The following ADGRL2 variants were observed in gnomAD, a reference collection of about 807,000 sequenced individuals.
The protein encoded by ADGRL2 is adhesion G protein-coupled receptor L2.
ADGRL2 carries 44 observed loss-of-function variants against 157.4 expected under a neutral mutation model. The ratio of observed to expected loss-of-function variants is 0.28; its 90% CI spans 0.22 to 0.36. The LOEUF (loss-of-function observed/expected upper bound fraction) is 0.36. ADGRL2 is among the 10% of genes least tolerant of loss of function. ADGRL2 has a pLI of 1.00. For synonymous variants in ADGRL2, 585 were observed against 624.7 expected, an observed-to-expected ratio of 0.94 and a Z score of 0.95; for missense variants, 1,510 against 1,768.9, an observed-to-expected ratio of 0.85 and a Z score of 2.63.
At chr1:81,347,529 C>A (rs1354461147) in intron 1 of ADGRL2, among the ~76,000 whole-genome samples, 2 of 152,074 alleles carry the variant, frequency 1.3e-5, no homozygotes. Context: ...TGTGGTAGAA[C>A]TTGCAAGCAA....
intron 17 of ADGRL2, among the ~76,000 whole-genome samples, chr1:81,978,897 C>T (rs1443737663): frequency 4.0e-5 from 6 of 151,494 alleles, no homozygotes; most frequent in Non-Finnish European, 7.4e-5. Flanking sequence ...TCTTAAGTAA[C>T]GTACAGCTCA....
At chr1:81,551,922 A>C (rs2080156033) in intron 2 of ADGRL2, among the ~76,000 whole-genome samples, 1 of 152,232 alleles carries the variant, frequency 6.6e-6, no homozygotes, top group Non-Finnish European at 1.5e-5. Context: ...GAAATGTATT[A>C]GTGGGAACTG....
intron 2 of ADGRL2, among the ~76,000 whole-genome samples, chr1:81,849,959 G>T (rs1163944390): frequency 6.6e-6 from 1 of 151,840 alleles, no homozygotes; most frequent in Non-Finnish European, 1.5e-5. Context: ...CTCATTTATG[G>T]ATTTGAAATG....
At chr1:81,475,413 A>T (rs1334494097) in intron 2 of ADGRL2, among the ~76,000 whole-genome samples, 1 of 152,176 alleles carries the variant, frequency 6.6e-6, no homozygotes, top group South Asian at 2.1e-4. Context: ...GCTCAAAGGT[A>T]TCTACTAGCC....
intron 3 of ADGRL2, among the ~76,000 whole-genome samples, chr1:81,660,072 T>G (rs1436637706): frequency 6.6e-6 from 1 of 152,146 alleles, no homozygotes; most frequent in Admixed American, 6.5e-5. Context: ...CATGTTTTCT[T>G]CCCTTCAAGC....
At chr1:81,744,451 A>G (rs1441977542) in intron 1 of ADGRL2, among the ~76,000 whole-genome samples, 1 of 152,186 alleles carries the variant, frequency 6.6e-6, no homozygotes, top group Non-Finnish European at 1.5e-5. Flanking sequence ...TTTGAACACA[A>G]ATTAGCTCCT....
intron 3 of ADGRL2, among the ~76,000 whole-genome samples, chr1:81,657,525 T>C (rs1408432664): frequency 5.9e-5 from 9 of 152,188 alleles, no homozygotes; most frequent in Admixed American, 5.9e-4. Context: ...CTTTCATGGT[T>C]AAAATATCCT....
intron 1 of ADGRL2, among the ~76,000 whole-genome samples, chr1:81,751,444 A>C (rs1241133310): frequency 6.6e-6 from 1 of 152,196 alleles, no homozygotes; most frequent in Non-Finnish European, 1.5e-5. Flanking sequence ...TGAATCTGAT[A>C]ATGAGAAAAC....
intron 3 of ADGRL2, among the ~76,000 whole-genome samples, chr1:81,648,795 A>G (rs192971958): frequency 5.4e-4 from 82 of 152,290 alleles, no homozygotes; most frequent in Non-Finnish European, 1.0e-3. Flanking sequence ...GAAATAATTG[A>G]GAAAAGACAT....
At chr1:81,733,258 C>A (rs1417272755) in intron 1 of ADGRL2, among the ~76,000 whole-genome samples, 2 of 152,144 alleles carry the variant, frequency 1.3e-5, no homozygotes, top group Non-Finnish European at 2.9e-5. Flanking sequence ...GAAAGCAGAC[C>A]AATCATTAAT....
chr1:81,421,853 G>A (rs2077131439), intron 1 of ADGRL2, among the ~76,000 whole-genome samples: 1 of 152,114 alleles, frequency 6.6e-6, no homozygotes, highest in South Asian at 2.1e-4. Flanking sequence ...TAATTGCATA[G>A]ATTATGTTCT....
chr1:81,683,104 G>T (rs2083155092), intron 3 of ADGRL2, among the ~76,000 whole-genome samples: 1 of 152,208 alleles, frequency 6.6e-6, no homozygotes, highest in Non-Finnish European at 1.5e-5. Context: ...CTGCACTGCA[G>T]CCTGGGTGAC....
chr1:81,356,974 G>GTTGTTTCCTTTTAA (rs1663361711), intron 1 of ADGRL2, among the ~76,000 whole-genome samples: 1 of 60,194 alleles, frequency 1.7e-5, no homozygotes, highest in Non-Finnish European at 3.9e-5. Context: ...AAAAAAAAAA[G>GTTGTTTCCTTTTAA]AAGTTGTTTC....
chr1:81,770,241 C>T (rs2086303485), intron 2 of ADGRL2, among the ~76,000 whole-genome samples: 1 of 142,944 alleles, frequency 7.0e-6, no homozygotes, highest in Admixed American at 7.3e-5. Flanking sequence ...CTGCTCACTG[C>T]AACCTCTGCC....
In ADGRL2 at chr1:81,990,440, G is replaced by A. The variant is rs368910598; in HGVS notation, c.3705G>A (p.Pro1235=). ...ATACAAGTGCCATGGATACTCTACC[G>A]CTAAATGGTAATTTTAACAACAGCT... The part of the protein sequence containing the change: ...ARDTSAMDTL[P]LNGNFNNSYS... The change falls in exon 24 of 24, where the codon CCG becomes CCA. Residue 1235 remains proline (P), a synonymous_variant. Coordinates refer to ENST00000686636, the MANE Select transcript of ADGRL2 (RefSeq NM_001366006.2). 3.2e-5 allele frequency: 51 copies of A among 1,614,024 alleles called. No homozygotes were observed. The highest frequency in any genetic ancestry group is 2.8e-4 in the African/African-American group (21 of 75,006).
At chr1:81,623,099 C>A (rs1240140178) in intron 3 of ADGRL2, among the ~76,000 whole-genome samples, 1 of 152,124 alleles carries the variant, frequency 6.6e-6, no homozygotes, top group African/African-American at 2.4e-5. Context: ...AGCAACAATT[C>A]TTTATTGCTC....
chr1:81,353,022 T>G (rs1663024303), intron 1 of ADGRL2, among the ~76,000 whole-genome samples: 1 of 152,158 alleles, frequency 6.6e-6, no homozygotes, highest in Admixed American at 6.5e-5. Flanking sequence ...GGTAATAATA[T>G]CTAATGTATA....
chr1:81,441,205 T>A (rs2077501848), intron 1 of ADGRL2, among the ~76,000 whole-genome samples: 1 of 152,316 alleles, frequency 6.6e-6, no homozygotes, highest in African/African-American at 2.4e-5. Context: ...GAACATGGCA[T>A]ATTATTAATA....
At chr1:81,630,021 G>T (rs2148750515) in intron 3 of ADGRL2, among the ~76,000 whole-genome samples, 1 of 151,692 alleles carries the variant, frequency 6.6e-6, no homozygotes, top group Non-Finnish European at 1.5e-5. Context: ...TATATATATA[G>T]GCATATATAT....
Sources: allele counts gnomAD v4.1 joint callset (sites outside exome capture counted in the v4.1 genomes callset), GRCh38; gene constraint gnomAD v4.1.1; transcripts MANE v1.5; gene names NCBI Gene and HGNC (gene_info 2026-07-23, HGNC 2026-07-21).